Variants in OTUD6B observed in about 807,000 individuals in gnomAD.
OTUD6B encodes OTU deubiquitinase 6B, also known as deubiquitinase OTUD6B.
A neutral mutation model predicts 36.9 loss-of-function variants in OTUD6B; 41 were observed. The ratio of observed to expected loss-of-function variants is 1.11; its 90% CI spans 0.87 to 1.44. The LOEUF is 1.44. Among genes scored for constraint, OTUD6B ranks in the 40% most tolerant of loss-of-function variants. The pLI, the probability that OTUD6B is intolerant of heterozygous loss-of-function variation, is 0.00. For missense variants in OTUD6B, 356 were observed against 344.8 expected (o/e 1.03, Z -0.26); for synonymous variants, 114 against 114.2 (o/e 1.00, Z 0.01).
intron 3 of OTUD6B, among the ~76,000 whole-genome samples, chr8:91,077,862 G>T (rs1290720219): frequency 6.6e-6 from 1 of 151,648 alleles, no homozygotes; most frequent in Non-Finnish European, 1.5e-5. Context: ...CAAAATATTT[G>T]TTAATTAAAT....
chr8:91,082,745 CTTTTTTTTTTTTTTTTTT>C (rs369648071), intron 5 of OTUD6B, among the ~76,000 whole-genome samples: 1 of 111,854 alleles, frequency 8.9e-6, no homozygotes, highest in African/African-American at 3.7e-5. Context: ...GGTCATATGT[CTTTTTTTTTTTTTTTTTT>C]TTTTTTGAAA....
intron 1 of OTUD6B, 194 bp from the exon 2 acceptor site, chr8:91,070,944 T>A (rs1812682783): frequency 1.5e-6 from 1 of 651,544 alleles, no homozygotes; most frequent in Non-Finnish European, 1.9e-6. Context: ...ATTTTGTTAA[T>A]GAAGTTTTTT....
chr8:91,073,705 A>C (rs1812746974), intron 2 of OTUD6B, 126 bp from the exon 3 acceptor site: 1 of 1,253,806 alleles, frequency 8.0e-7, no homozygotes, highest in Non-Finnish European at 1.0e-6. Context: ...ACAGGAGACA[A>C]AACCATATTA....
chr8:91,084,912 A>G lies in OTUD6B; in HGVS notation c.*44A>G, dbSNP rs1187538315. On this transcript the variant is annotated 3_prime_UTR_variant, in exon 7 of 7. Transcript: ENST00000404789. ...ATTATGTTTTAATACAGTGTGCTGA[A>G]CTGAGTATTTCTACCAAGTGTTGGG... 1.0e-6 allele frequency: 1 copy of G among 965,264 alleles called. No homozygotes were observed. The highest frequency in any genetic ancestry group is 1.5e-6 in the Non-Finnish European group (1 of 654,796). The allele number at this position is 965,264 out of a possible 1,614,324, so 59.8% of individuals were successfully genotyped here.
At chr8:91,074,667 A>G (rs553187089) in intron 3 of OTUD6B, among the ~76,000 whole-genome samples, 2 of 152,242 alleles carry the variant, frequency 1.3e-5, no homozygotes, top group African/African-American at 2.4e-5. Flanking sequence ...TTTGAATTTG[A>G]AAAAGAAAAA....
At chr8:91,078,934 T>C (rs1188813601) in intron 4 of OTUD6B, 2 of 260,092 alleles carry the variant, frequency 7.7e-6, no homozygotes, top group Non-Finnish European at 7.2e-6. Flanking sequence ...AGAGTCATTT[T>C]TGAAAAAAAT....
chr8:91,082,408 A>T (rs541378964), intron 5 of OTUD6B, among the ~76,000 whole-genome samples: 1 of 151,702 alleles, frequency 6.6e-6, no homozygotes, highest in Non-Finnish European at 1.5e-5. Flanking sequence ...ACAGAGTCTC[A>T]CTCTGTCACC....
intron 3 of OTUD6B, 24 bp downstream of exon 3, chr8:91,073,935 A>T (rs1457342364): frequency 1.1e-5 from 16 of 1,514,512 alleles, no homozygotes; most frequent in Admixed American, 1.9e-5. Context: ...GTCACCAAGT[A>T]TATAAGTTAG....
chr8:91,082,773 A>G (rs1207800774), intron 5 of OTUD6B, among the ~76,000 whole-genome samples: 4 of 142,354 alleles, frequency 2.8e-5, no homozygotes, highest in Non-Finnish European at 4.5e-5. Flanking sequence ...TTTTTTTGAA[A>G]CAGGGTCTCA....
chr8:91,073,958 A>C (rs749555740), intron 3 of OTUD6B, 47 bp downstream of exon 3: 2 of 1,267,608 alleles, frequency 1.6e-6, no homozygotes, highest in East Asian at 5.0e-5. Flanking sequence ...CTGTGTGTTC[A>C]ATACTATCTT....
chr8:91,081,818 AC>A, intron 5 of OTUD6B, among the ~76,000 whole-genome samples: 1 of 152,148 alleles, frequency 6.6e-6, no homozygotes, highest in Non-Finnish European at 1.5e-5. Context: ...GTGCATTTCC[AC>A]CAGAGGGAAC....
At position 91,086,328 on chromosome 8, in the gene OTUD6B, G is replaced by A. The variant is rs575120178; in HGVS notation, c.*1460G>A. ...AATGTGGGAAGCTGGCAGGGTCATT[G>A]ATAGCAAGTAAGTACTTCCTGAAGG... On this transcript the variant is annotated 3_prime_UTR_variant, in exon 7 of 7. Transcript: ENST00000404789. 1.6e-4 allele frequency: 24 copies of A among 152,134 alleles called. No homozygotes were observed. The highest frequency in any genetic ancestry group is 3.2e-4 in the Non-Finnish European group (22 of 67,942). 9.4% of individuals were successfully genotyped at this position (152,134 alleles called of 1,614,324 possible).
chr8:91,073,668 T>A (rs1812746398), intron 2 of OTUD6B, 163 bp from the exon 3 acceptor site: 1 of 713,246 alleles, frequency 1.4e-6, no homozygotes, highest in Non-Finnish European at 1.7e-6. Context: ...TCTTGGGAAC[T>A]TGTCAAATTC....
intron 1 of OTUD6B, chr8:91,070,906 C>A: frequency 2.7e-6 from 1 of 370,148 alleles, no homozygotes; most frequent in Non-Finnish European, 3.7e-6. Flanking sequence ...CTTCTCTTAT[C>A]TCGCCAAACA....
At chr8:91,083,563 C>T (rs1812948441) in intron 5 of OTUD6B, among the ~76,000 whole-genome samples, 1 of 152,074 alleles carries the variant, frequency 6.6e-6, no homozygotes, top group Admixed American at 6.6e-5. Context: ...TTTTTGAGGG[C>T]TGACATCACA....
At chr8:91,082,996 A>C (rs1034892791) in intron 5 of OTUD6B, among the ~76,000 whole-genome samples, 1 of 151,974 alleles carries the variant, frequency 6.6e-6, no homozygotes, top group African/African-American at 2.4e-5. Context: ...GGTGTGAGCC[A>C]CTGTGCCTGG....
intron 5 of OTUD6B, among the ~76,000 whole-genome samples, chr8:91,082,435 G>A (rs1206712697): frequency 6.6e-6 from 1 of 151,878 alleles, no homozygotes; most frequent in African/African-American, 2.4e-5. Flanking sequence ...GGAGTGCAGT[G>A]GTGCCACCCA....
chr8:91,071,699 C>T (rs1177997617), intron 2 of OTUD6B, among the ~76,000 whole-genome samples: 3 of 152,136 alleles, frequency 2.0e-5, no homozygotes, highest in Non-Finnish European at 4.4e-5. Flanking sequence ...GAAATGAAAT[C>T]ACTTAGTTAT....
chr8:91,074,036 A>G (rs1026508011), intron 3 of OTUD6B, 125 bp downstream of exon 3: 3 of 558,594 alleles, frequency 5.4e-6, no homozygotes, highest in African/African-American at 1.9e-5. Context: ...TTGTCTAGGC[A>G]CTTGAACTAA....
Sources: gnomAD v4.1 joint callset for allele counts (sites outside exome capture counted in the v4.1 genomes callset) on GRCh38, gnomAD v4.1.1 for gene constraint, MANE v1.5 for transcripts, NCBI Gene and HGNC (gene_info 2026-07-23, HGNC 2026-07-21) for gene names.